The following NCOA1 variants were observed in gnomAD, a reference collection of about 807,000 sequenced individuals.
NCOA1 encodes the protein Hin-2 protein.
NCOA1 carries 35 observed loss-of-function variants against 150.9 expected under a neutral mutation model. The ratio of observed to expected loss-of-function variants is 0.23; its 90% CI spans 0.18 to 0.31. The LOEUF (loss-of-function observed/expected upper bound fraction) is 0.31. Ranked by LOEUF, NCOA1 falls within the 10% of genes least tolerant of loss-of-function variation. NCOA1 has a pLI of 1.00. For synonymous variants in NCOA1, 590 were observed against 630.0 expected, an observed-to-expected ratio of 0.94 and a Z score of 0.95; for missense variants, 1,491 against 1,749.3, an observed-to-expected ratio of 0.85 and a Z score of 2.63.
chr2:24,650,231 T>C (rs186686357), intron 4 of NCOA1, among the ~76,000 whole-genome samples: 9 of 152,260 alleles, frequency 5.9e-5, no homozygotes, highest in Admixed American at 5.9e-4. Context: ...AGAGAACTTT[T>C]GTTTCCAGGG....
At chr2:24,763,671 A>C (rs1572698026) in intron 22 of NCOA1, among the ~76,000 whole-genome samples, 1 of 100,186 alleles carries the variant, frequency 1.0e-5, no homozygotes, top group African/African-American at 3.9e-5. Flanking sequence ...CCCAGGCTGG[A>C]GTGAAGTGGC....
At chr2:24,516,953 CAAGTATATAT>C (rs1211146342) in intron 1 of NCOA1, among the ~76,000 whole-genome samples, 15 of 19,160 alleles carry the variant, frequency 7.8e-4, no homozygotes, top group Admixed American at 2.3e-3. Flanking sequence ...CGTATATATA[CAAGTATATAT>C]ACGTATATAT....
chr2:24,685,161 A>G (rs1672344971), intron 8 of NCOA1, among the ~76,000 whole-genome samples: 1 of 152,076 alleles, frequency 6.6e-6, no homozygotes, highest in Non-Finnish European at 1.5e-5. Context: ...CTGCCTTCTT[A>G]TTTTTTGATT....
At chr2:24,545,943 C>G (rs1329275076) in intron 1 of NCOA1, among the ~76,000 whole-genome samples, 1 of 152,186 alleles carries the variant, frequency 6.6e-6, no homozygotes, top group East Asian at 1.9e-4. Flanking sequence ...GTGCATGCCA[C>G]TACACTCATC....
intron 1 of NCOA1, among the ~76,000 whole-genome samples, chr2:24,556,634 A>G (rs998226488): frequency 1.3e-5 from 2 of 152,204 alleles, no homozygotes; most frequent in Non-Finnish European, 2.9e-5. Flanking sequence ...AAAAAGCTCA[A>G]CATCACTGGT....
chr2:24,701,653 A>G (rs1482250266), intron 11 of NCOA1, among the ~76,000 whole-genome samples: 1 of 152,176 alleles, frequency 6.6e-6, no homozygotes. Flanking sequence ...AAATGACTTG[A>G]CTTGTTCTTT....
chr2:24,613,082 A>T (rs1558839123), intron 3 of NCOA1, among the ~76,000 whole-genome samples: 1 of 149,094 alleles, frequency 6.7e-6, no homozygotes, highest in Non-Finnish European at 1.5e-5. Flanking sequence ...TCCCTGTAAT[A>T]TTTTTTTTTT....
At chr2:24,526,438 A>G (rs893518345) in intron 1 of NCOA1, among the ~76,000 whole-genome samples, 6 of 152,028 alleles carry the variant, frequency 3.9e-5, no homozygotes, top group Admixed American at 6.6e-5. Flanking sequence ...AACATGAGCC[A>G]TGGATTTAGG....
chr2:24,672,137 C>CAAT (rs55912992), intron 6 of NCOA1, among the ~76,000 whole-genome samples: 115,870 of 150,866 alleles, frequency 0.77, 45,842 homozygotes, highest in Admixed American at 0.86. Flanking sequence ...ATATATATAA[C>CAAT]AATATATTGT....
chr2:24,661,114 G>A (rs942468991), intron 5 of NCOA1, among the ~76,000 whole-genome samples: 1 of 151,966 alleles, frequency 6.6e-6, no homozygotes, highest in African/African-American at 2.4e-5. Flanking sequence ...TGTTCACTAG[G>A]TAAGTACCAC....
chr2:24,545,451 TTAAA>T (rs10525178), intron 1 of NCOA1, among the ~76,000 whole-genome samples: 28,400 of 152,008 alleles, frequency 0.19, 2,822 homozygotes, highest in Non-Finnish European at 0.23. Context: ...AAATAAATGG[TTAAA>T]TAAATAACTG....
intron 14 of NCOA1, among the ~76,000 whole-genome samples, chr2:24,716,794 C>G (rs1674069505): frequency 6.6e-6 from 1 of 152,136 alleles, no homozygotes; most frequent in Admixed American, 6.5e-5. Context: ...AGGCTAAACC[C>G]AGATGGGTTC....
chr2:24,585,796 C>CT (rs1392875045), intron 3 of NCOA1, among the ~76,000 whole-genome samples: 2 of 152,078 alleles, frequency 1.3e-5, no homozygotes, highest in African/African-American at 2.4e-5. Context: ...TTCCTTTGAT[C>CT]TAATTATCTG....
At chr2:24,637,512 T>G (rs1669992651) in intron 3 of NCOA1, among the ~76,000 whole-genome samples, 1 of 151,672 alleles carries the variant, frequency 6.6e-6, no homozygotes, top group Non-Finnish European at 1.5e-5. Context: ...TATGCAGCCA[T>G]AAAAAATGAT....
chr2:24,637,756 C>T (rs1670004866), intron 3 of NCOA1, among the ~76,000 whole-genome samples: 1 of 152,146 alleles, frequency 6.6e-6, no homozygotes, highest in Non-Finnish European at 1.5e-5. Flanking sequence ...AGTGCAATGG[C>T]ATGATTTCGG....
At chr2:24,507,388 G>C (rs1383911496) in intron 1 of NCOA1, among the ~76,000 whole-genome samples, 1 of 150,320 alleles carries the variant, frequency 6.7e-6, no homozygotes, top group Non-Finnish European at 1.5e-5. Flanking sequence ...ACAAAATGCT[G>C]AGGTCATGCC....
chr2:24,673,762 A>G (rs1671784230), intron 7 of NCOA1, among the ~76,000 whole-genome samples: 1 of 152,182 alleles, frequency 6.6e-6, no homozygotes, highest in Admixed American at 6.5e-5. Flanking sequence ...GGAAAATAAA[A>G]TATTAATATT....
chr2:24,746,879 G>A (rs1353280066), intron 19 of NCOA1, among the ~76,000 whole-genome samples: 3 of 152,058 alleles, frequency 2.0e-5, no homozygotes, highest in Admixed American at 2.0e-4. Context: ...TTGATAATGA[G>A]GACAGTTATA....
At chr2:24,583,768 A>G (rs908598661) in intron 2 of NCOA1, among the ~76,000 whole-genome samples, 1 of 152,182 alleles carries the variant, frequency 6.6e-6, no homozygotes, top group Admixed American at 6.5e-5. Context: ...GGAGGACTGT[A>G]TATTAAGTTA....
Sources: allele counts gnomAD v4.1 joint callset (sites outside exome capture counted in the v4.1 genomes callset), GRCh38; gene constraint gnomAD v4.1.1; transcripts MANE v1.5; gene names NCBI Gene and HGNC (gene_info 2026-07-23, HGNC 2026-07-21).